PDZD2: variants seen among roughly 807,000 people sequenced by gnomAD.
PDZD2 encodes PDZ domain containing 2.
Under a neutral mutation model 220.7 loss-of-function variants are expected in PDZD2, and 90 were observed. The ratio of observed to expected loss-of-function variants is 0.41; its 90% CI spans 0.34 to 0.49. PDZD2 has a LOEUF of 0.49. Ranked by LOEUF, PDZD2 falls within the 20% of genes least tolerant of loss-of-function variation. The probability of loss-of-function intolerance (pLI) is 0.28; values close to 1 mark genes in which losing one functional copy is unlikely to be tolerated. For synonymous variants in PDZD2, 1,375 were observed against 1,450.5 expected (o/e 0.95, Z 1.18); for missense variants, 3,174 against 3,608.5 (o/e 0.88, Z 3.08).
chr5:31,808,812 A>G (rs1170645060), intron 2 of PDZD2, among the ~76,000 whole-genome samples: 3 of 152,024 alleles, frequency 2.0e-5, no homozygotes, highest in Non-Finnish European at 4.4e-5. Context: ...CCCCATCTCT[A>G]CTAGAAATAC....
At chr5:31,846,551 C>T (rs953232572) in intron 2 of PDZD2, among the ~76,000 whole-genome samples, 4 of 152,198 alleles carry the variant, frequency 2.6e-5, no homozygotes, top group South Asian at 4.1e-4. Context: ...TACTGAATAC[C>T]TTTTTAATTC....
At chr5:32,107,665 T>C (rs1210975722) in intron 24 of PDZD2, among the ~76,000 whole-genome samples, 2 of 152,246 alleles carry the variant, frequency 1.3e-5, no homozygotes, top group Non-Finnish European at 2.9e-5. Flanking sequence ...TGTTGACTTG[T>C]AGCTCTTTAG....
In PDZD2 at chr5:32,094,548, A is replaced by G. The variant is rs245154; in HGVS notation, c.7845+1524A>G. ...GGAGGCGAGGAGAGAGGTTGGAATA[A>G]AGGAGACCAGTCCCTTCAGGTTCCA... On this transcript the variant is annotated intron_variant, in intron 21 of 24. Coordinates refer to ENST00000438447, the MANE Select transcript of PDZD2 (RefSeq NM_178140.4). 0.44 allele frequency among the ~76,000 whole-genome samples: 66,839 copies of G among 151,602 alleles called. 15,709 individuals carry two copies. The highest frequency in any genetic ancestry group is 0.67 in the East Asian group (3,445 of 5,142).
rs762627725 is a variant in PDZD2 at position 32,002,646 on chromosome 5, A to ACC, written c.1254+2378_1254+2379dup. ...ACACCAACACACCACCAACACACAC[A>ACC]CCCCACATACTACACACACACACCA... On this transcript the variant is annotated intron_variant, in intron 5 of 24. Coordinates refer to ENST00000438447, the MANE Select transcript of PDZD2 (RefSeq NM_178140.4). Among the ~76,000 whole-genome samples the ACC allele has an allele frequency of 4.6e-4, 47 of 101,346 alleles. 1 individual carries two copies. The highest frequency in any genetic ancestry group is 5.5e-3 in the Middle Eastern group (1 of 182). 66.5% of individuals were successfully genotyped at this position (101,346 alleles called of 152,430 possible). A position where few individuals can be genotyped will look rare whatever the true frequency, so the allele number is the denominator to read the frequency against.
intron 2 of PDZD2, among the ~76,000 whole-genome samples, chr5:31,963,153 G>A (rs1170404601): frequency 1.3e-5 from 2 of 152,212 alleles, no homozygotes; most frequent in African/African-American, 4.8e-5. Context: ...TATTCATGCT[G>A]TGGGCATTTT....
Position 31,655,482 on chromosome 5 carries a change from T to G in PDZD2, c.-361+16045T>G, listed in dbSNP as rs1427728930. ...CACTGCGCCCGGCCTAGTTTTTTAA[T>G]ATATCATATATTTTACTGACGTAAT... On this transcript the variant is annotated intron_variant, in intron 1 of 24. Transcript: ENST00000438447. Among the ~76,000 whole-genome samples, 3 of 152,122 alleles carry G rather than the reference T, an allele frequency of 2.0e-5. No homozygotes were observed. The East Asian group carries it at 5.8e-4, about 29-fold the overall frequency.
At chr5:31,976,878 C>T (rs767480222) in intron 2 of PDZD2, among the ~76,000 whole-genome samples, 3 of 151,500 alleles carry the variant, frequency 2.0e-5, no homozygotes, top group South Asian at 2.1e-4. Flanking sequence ...CTACCACGCC[C>T]GGCTAATTTT....
At chr5:32,019,332 C>T (rs4490596) in intron 6 of PDZD2, among the ~76,000 whole-genome samples, 67,570 of 151,714 alleles carry the variant, frequency 0.45, 17,221 homozygotes, top group Non-Finnish European at 0.58. Context: ...TTTGTAGAGA[C>T]GGGGTCTCCC....
At chr5:32,101,918 C>T (rs574516220) in intron 24 of PDZD2, among the ~76,000 whole-genome samples, 2 of 152,186 alleles carry the variant, frequency 1.3e-5, no homozygotes, top group South Asian at 2.1e-4. Flanking sequence ...ATTATACTTG[C>T]AAATAGATCA....
Position 32,088,184 on chromosome 5 carries a change from C to G in PDZD2, c.4736C>G (p.Pro1579Arg). ...GCTTCTGCCAGGGACGGCTGGTCCCCTCCTCGTTCCCGTGTGTCTTTGCAC... is the reference window on the plus strand; with the variant it reads ...GCTTCTGCCAGGGACGGCTGGTCCCGTCCTCGTTCCCGTGTGTCTTTGCAC... ...PRASARDGWS[P>R]PRSRVSLHKE... Residue 1579 changes from proline (P) to arginine (R), a missense_variant, in exon 20 of 25, where the codon CCT becomes CGT. Transcript: ENST00000438447. The surrounding 1 kb of genome is among the most constrained non-coding windows in gnomAD (Gnocchi z 4.6). The G allele has an allele frequency of 6.2e-7, 1 of 1,614,094 alleles. No homozygotes were observed. Among genetic ancestry groups the G allele is most frequent in the South Asian group, 1.1e-5 (1 of 91,080 alleles).
chr5:31,958,626 C>T (rs934104178), intron 2 of PDZD2, among the ~76,000 whole-genome samples: 7 of 151,536 alleles, frequency 4.6e-5, no homozygotes, highest in Non-Finnish European at 1.0e-4. Flanking sequence ...TTAAAGTACT[C>T]CACCCCGCCC....
chr5:32,038,694 T>A (rs1755763092), intron 7 of PDZD2, among the ~76,000 whole-genome samples: 1 of 152,176 alleles, frequency 6.6e-6, no homozygotes, highest in South Asian at 2.1e-4. Context: ...GCACTGTGCC[T>A]GCTGGCTTAG....
intron 1 of PDZD2, among the ~76,000 whole-genome samples, chr5:31,743,455 G>A (rs916140106): frequency 2.6e-5 from 4 of 152,092 alleles, no homozygotes. Context: ...ACTGTGCCTG[G>A]CCTATATTCT....
Position 32,074,421 on chromosome 5 carries a change from T to G in PDZD2, c.3315T>G (p.Ser1105Arg), listed in dbSNP as rs774314829. The change falls in exon 18 of 25, where the codon AGT becomes AGG. Residue 1105 changes from serine to arginine, a missense_variant. By Grantham distance (110) the Ser-to-Arg change is moderately radical. This residue lies in a region of PDZD2 where 1,861 missense variants were observed against 2,001.0 expected (regional missense o/e 0.93). Coordinates refer to ENST00000438447, the MANE Select transcript of PDZD2 (RefSeq NM_178140.4). The stretch of plus-strand genomic sequence containing the variant: ...GTCCGACGAACACTGGGAGCCCCAG[T>G]TCCCCCCAGCAGAAAAGTGAAGGCC... ...TQSPTNTGSPSSPQQKSEGLG... is the reference protein window; with the variant it reads ...TQSPTNTGSPRSPQQKSEGLG... 12 of 1,613,918 alleles carry G rather than the reference T, an allele frequency of 7.4e-6. No individual in the cohort carries two copies. The Admixed American group carries it at 1.0e-4, about 13-fold the overall frequency.
At chr5:31,690,769 C>T (rs905154752) in intron 1 of PDZD2, among the ~76,000 whole-genome samples, 2 of 152,212 alleles carry the variant, frequency 1.3e-5, no homozygotes, top group African/African-American at 4.8e-5. Context: ...GATTCTGAAG[C>T]ACATTTGCAA....
intron 1 of PDZD2, among the ~76,000 whole-genome samples, chr5:31,685,507 T>C (rs1330750575): frequency 6.6e-6 from 1 of 152,138 alleles, no homozygotes; most frequent in Non-Finnish European, 1.5e-5. Flanking sequence ...GCATACCCAC[T>C]ACCCTTCGCA....
chr5:31,702,943 T>G (rs1415191672), intron 1 of PDZD2, among the ~76,000 whole-genome samples: 3 of 152,216 alleles, frequency 2.0e-5, no homozygotes, highest in Non-Finnish European at 4.4e-5. Flanking sequence ...CCATCTTCAG[T>G]CTGCCGGGGC....
chr5:31,955,120 T>G (rs1269577413), intron 2 of PDZD2, among the ~76,000 whole-genome samples: 1 of 152,160 alleles, frequency 6.6e-6, no homozygotes, highest in Admixed American at 6.5e-5. Context: ...GAGAATGGTA[T>G]ACAGATGTTT....
At position 31,923,739 on chromosome 5, in the gene PDZD2, A is replaced by G. The variant is rs184530641; in HGVS notation, c.477-59416A>G. Among the ~76,000 whole-genome samples, 438 of 152,366 alleles carry G rather than the reference A, an allele frequency of 2.9e-3. 1 individual carries two copies. The highest frequency in any genetic ancestry group is 0.01 in the African/African-American group (421 of 41,596). ...AAATGTTTTTAACAATGTTAAAAAAATAAAAATAAAATACACTTGCAGTAA... is the reference window on the plus strand; with the variant it reads ...AAATGTTTTTAACAATGTTAAAAAAGTAAAAATAAAATACACTTGCAGTAA... On this transcript the variant is annotated intron_variant, in intron 2 of 24. Coordinates refer to ENST00000438447, the MANE Select transcript of PDZD2 (RefSeq NM_178140.4).
Sources: allele counts gnomAD v4.1 joint callset (sites outside exome capture counted in the v4.1 genomes callset), GRCh38; gene constraint gnomAD v4.1.1; regional missense constraint gnomAD v4.1.1; non-coding constraint Gnocchi (gnomAD v3.1); transcripts MANE v1.5; gene names NCBI Gene and HGNC (gene_info 2026-07-23, HGNC 2026-07-21).